ZNF516: variants seen among roughly 807,000 people sequenced by gnomAD.
ZNF516 encodes zinc finger protein 516.
A neutral mutation model predicts 79.7 loss-of-function variants in ZNF516; 19 were observed. That is an observed-to-expected ratio of 0.24 (90% confidence interval 0.17 to 0.35). The LOEUF is 0.35. Among genes scored for constraint, ZNF516 ranks in the 10% least tolerant of loss-of-function variants. The probability of loss-of-function intolerance (pLI) is 1.00; values close to 1 mark genes in which losing one functional copy is unlikely to be tolerated. For missense variants in ZNF516, 1,678 were observed against 1,679.5 expected (o/e 1.00, Z 0.02); for synonymous variants, 877 against 739.5 (o/e 1.19, Z -3.02).
chr18:76,401,196 C>A (rs2075214732), intron 3 of ZNF516, among the ~76,000 whole-genome samples: 2 of 151,540 alleles, frequency 1.3e-5, no homozygotes, highest in Admixed American at 1.3e-4. Flanking sequence ...AAATTTGCAA[C>A]CTCCGGCATA....
At chr18:76,481,101 T>C (rs1378180455) in intron 1 of ZNF516, among the ~76,000 whole-genome samples, 1 of 152,156 alleles carries the variant, frequency 6.6e-6, no homozygotes, top group African/African-American at 2.4e-5. Flanking sequence ...CTGGGCTTCA[T>C]GGGAACTGCA....
At chr18:76,438,930 A>G (rs1204737682) in intron 3 of ZNF516, among the ~76,000 whole-genome samples, 1 of 152,202 alleles carries the variant, frequency 6.6e-6, no homozygotes, top group East Asian at 1.9e-4. Context: ...CCACACAGAC[A>G]CTCTAACAGT....
rs180988969 is a variant in ZNF516 at position 76,371,787 on chromosome 18, T to C, written c.3260-216A>G. On this transcript the variant is annotated intron_variant, in intron 4 of 6. Coordinates refer to ENST00000443185, the MANE Select transcript of ZNF516 (RefSeq NM_014643.4). ...TCTCAGGACTGCAAGGATGCATAAA[T>C]TACAGCGAATTAAAAACCACTCCCT... 4.6e-5 allele frequency among the ~76,000 whole-genome samples: 7 copies of C among 152,250 alleles called. No individual in the cohort carries two copies. The East Asian group carries it at 1.4e-3, about 29-fold the overall frequency.
Position 76,371,550 on chromosome 18 carries a change from C to T in ZNF516, c.3281G>A (p.Arg1094Gln), listed in dbSNP as rs773031736. Residue 1094 changes from arginine (R) to glutamine (Q), a missense_variant, in exon 5 of 7, where the codon CGG (arginine) becomes CAG (glutamine). Around this residue, in one of 5 missense-constraint regions of ZNF516, gnomAD observed 1,294 missense variants for 1,248.3 expected, o/e 1.04. Coordinates refer to ENST00000443185, the MANE Select transcript of ZNF516 (RefSeq NM_014643.4). ...CTCGATGCAGACGAACTCTCCTGGC[C>T]GGGCCTGCGTCCGGAGTGTCCCTGC... ...EHRGTLRTQA[R>Q]PGEFVCIECG... is the part of the protein sequence containing the mutation. 16 of 1,610,388 alleles carry T rather than the reference C, an allele frequency of 9.9e-6. No homozygotes were observed. Among genetic ancestry groups the T allele is most frequent in the South Asian group, 6.6e-5 (6 of 90,986 alleles).
intron 3 of ZNF516, among the ~76,000 whole-genome samples, chr18:76,412,807 C>T (rs1321883973): frequency 1.3e-5 from 2 of 152,186 alleles, no homozygotes; most frequent in Non-Finnish European, 2.9e-5. Flanking sequence ...CCACTGAGTC[C>T]TCTCCTCTCC....
At position 76,459,299 on chromosome 18, in the gene ZNF516, G is replaced by A. The variant is rs375870000; in HGVS notation, c.-158+3729C>T. Among the ~76,000 whole-genome samples the A allele has an allele frequency of 1.6e-3, 251 of 152,282 alleles. No individual in the cohort carries two copies. The highest frequency in any genetic ancestry group is 2.5e-3 in the South Asian group (12 of 4,830). On this transcript the variant is annotated intron_variant, in intron 2 of 6. Transcript: ENST00000443185. The surrounding 1 kb of genome is among the most constrained non-coding windows in gnomAD (Gnocchi z 5.0). ...GGCACACTGGACCCAGTGCCAGCTCGGGAAATCCTGGGCCGGTGACAGCCC... is the reference window on the plus strand; with the variant it reads ...GGCACACTGGACCCAGTGCCAGCTCAGGAAATCCTGGGCCGGTGACAGCCC...
At position 76,405,753 on chromosome 18, in the gene ZNF516, CGT is replaced by C. The variant is rs201958966; in HGVS notation, c.1811-25452_1811-25451del. Among the ~76,000 whole-genome samples the C allele has an allele frequency of 9.9e-5, 15 of 152,150 alleles. No homozygotes were observed. In the East Asian group the frequency reaches 2.3e-3, roughly 24 times the overall value. ...TCCGCTGACACACGCGTGATGAATGCGTGTGTTGTCCGAGACACAGAGCCACA... is the reference window on the plus strand; with the variant it reads ...TCCGCTGACACACGCGTGATGAATGCGTGTTGTCCGAGACACAGAGCCACA... On this transcript the variant is annotated intron_variant, in intron 3 of 6. Transcript: ENST00000443185.
At chr18:76,481,446 A>T (rs1325201272) in intron 1 of ZNF516, among the ~76,000 whole-genome samples, 1 of 152,202 alleles carries the variant, frequency 6.6e-6, no homozygotes, top group Non-Finnish European at 1.5e-5. Context: ...CTCTAAAGCT[A>T]CATAATCCCA....
At chr18:76,373,841 A>T (rs1400177806) in intron 4 of ZNF516, among the ~76,000 whole-genome samples, 1 of 152,260 alleles carries the variant, frequency 6.6e-6, no homozygotes, top group African/African-American at 2.4e-5. Flanking sequence ...TATGGCCAAT[A>T]ATATTATGCC....
intron 1 of ZNF516, among the ~76,000 whole-genome samples, chr18:76,474,811 G>C (rs1226140621): frequency 6.6e-6 from 1 of 152,138 alleles, no homozygotes; most frequent in South Asian, 2.1e-4. Flanking sequence ...AATAACCACA[G>C]ACAGAAGGAA....
chr18:76,386,814 T>G (rs534140244), intron 3 of ZNF516: 2 of 152,188 alleles, frequency 1.3e-5, no homozygotes, highest in Non-Finnish European at 2.9e-5. Context: ...TACCCACACA[T>G]GTCATTTTCA....
chr18:76,448,378 G>A (rs1912191217), intron 2 of ZNF516, among the ~76,000 whole-genome samples: 1 of 152,170 alleles, frequency 6.6e-6, no homozygotes. Flanking sequence ...TTCTGTAAGT[G>A]AGGAAGAACT....
chr18:76,362,233 C>A lies in ZNF516; in HGVS notation c.*265G>T. 1 of 407,814 alleles carries A rather than the reference C, an allele frequency of 2.5e-6. No individual in the cohort carries two copies. The highest frequency in any genetic ancestry group is 3.6e-5 in the East Asian group (1 of 27,654). 25.3% of individuals were successfully genotyped at this position (407,814 alleles called of 1,614,324 possible). Reference sequence around the variant, plus strand: ...TTATAAGAAAATATGGGACTATGGACGATGAGCACGTAAATGCGTATATAG... The same window carrying A: ...TTATAAGAAAATATGGGACTATGGAAGATGAGCACGTAAATGCGTATATAG... On this transcript the variant is annotated 3_prime_UTR_variant, in exon 7 of 7. Transcript: ENST00000443185.
At chr18:76,439,876 A>G (rs1289287265) in intron 3 of ZNF516, among the ~76,000 whole-genome samples, 2 of 152,202 alleles carry the variant, frequency 1.3e-5, no homozygotes, top group Non-Finnish European at 2.9e-5. Context: ...ATAAAAAAAG[A>G]ACACCGAGAA....
At chr18:76,480,488 T>TACACACAC (rs139552059) in intron 1 of ZNF516, among the ~76,000 whole-genome samples, 2 of 138,870 alleles carry the variant, frequency 1.4e-5, no homozygotes, top group Non-Finnish European at 3.0e-5. Context: ...CACACACATA[T>TACACACAC]ACACATACAC....
At chr18:76,425,702 C>T (rs139928961) in intron 3 of ZNF516, among the ~76,000 whole-genome samples, 1 of 152,352 alleles carries the variant, frequency 6.6e-6, no homozygotes, top group East Asian at 1.9e-4. Context: ...TGTCTTTTGT[C>T]AACACCTGAA....
chr18:76,446,847 T>C (rs79948045), intron 2 of ZNF516, among the ~76,000 whole-genome samples: 2,511 of 152,272 alleles, frequency 0.016, 66 homozygotes, highest in African/African-American at 0.058. Flanking sequence ...CAGGATGTGT[T>C]TTTAGACTTA....
intron 3 of ZNF516, among the ~76,000 whole-genome samples, chr18:76,391,045 G>A (rs1249274017): frequency 6.6e-6 from 1 of 152,136 alleles, no homozygotes; most frequent in Admixed American, 6.5e-5. Context: ...GGCCACGAGG[G>A]AAGGAACCCA....
chr18:76,379,662 G>A lies in ZNF516; in HGVS notation c.2452C>T (p.Pro818Ser), dbSNP rs2145028403. Reference protein sequence around the residue: ...VFLSRSGRTGPPPALGGKECQ... With the variant: ...VFLSRSGRTGSPPALGGKECQ... ...TCTTTGCCACCGAGGGCAGGCGGGG[G>A]GCCCGTGCGTCCGCTCCGGGAAAGG... Residue 818 changes from proline to serine, a missense_variant, in exon 4 of 7, where the codon CCC becomes TCC. Around this residue, in one of 5 missense-constraint regions of ZNF516, gnomAD observed 1,294 missense variants for 1,248.3 expected, o/e 1.04. Coordinates refer to ENST00000443185, the MANE Select transcript of ZNF516 (RefSeq NM_014643.4). 1 of 1,613,628 alleles carries A rather than the reference G, an allele frequency of 6.2e-7. No individual in the cohort carries two copies. The highest frequency in any genetic ancestry group is 8.5e-7 in the Non-Finnish European group (1 of 1,179,904).
Sources: allele counts gnomAD v4.1 joint callset (sites outside exome capture counted in the v4.1 genomes callset), GRCh38; gene constraint gnomAD v4.1.1; regional missense constraint gnomAD v4.1.1; non-coding constraint Gnocchi (gnomAD v3.1); transcripts MANE v1.5; gene names NCBI Gene and HGNC (gene_info 2026-07-23, HGNC 2026-07-21).